ZNG1E: variants seen among roughly 807,000 people sequenced by gnomAD.
ZNG1E encodes zinc-regulated GTPase metalloprotein activator 1E.
chr9:65,702,646 T>A, the ZNG1E span, among the ~76,000 whole-genome samples: 2 of 136,280 alleles, frequency 1.5e-5, no homozygotes, highest in Non-Finnish European at 3.1e-5. Context: ...ATCACTAGGA[T>A]AACTGACTAT....
At chr9:65,667,513 G>C in the ZNG1E span, among the ~76,000 whole-genome samples, 1 of 152,272 alleles carries the variant, frequency 6.6e-6, no homozygotes, top group South Asian at 2.1e-4. Flanking sequence ...AGGAGAATAA[G>C]AATAAAGTTT....
the ZNG1E span, chr9:65,707,889 T>C: frequency 7.1e-6 from 1 of 141,734 alleles, no homozygotes; most frequent in Admixed American, 7.0e-5. Flanking sequence ...TGAGGCGGAG[T>C]CTCACTCTGT....
chr9:65,675,315 AT>A, the ZNG1E span, among the ~76,000 whole-genome samples: 1 of 152,116 alleles, frequency 6.6e-6, no homozygotes, highest in Non-Finnish European at 1.5e-5. Flanking sequence ...AGCAAATATG[AT>A]TAATGAACTT....
At chr9:65,661,061 C>G in the ZNG1E span, among the ~76,000 whole-genome samples, 4 of 147,940 alleles carry the variant, frequency 2.7e-5, no homozygotes, top group African/African-American at 1.0e-4. Flanking sequence ...ACTGCTAGAT[C>G]TAAGGATTTT....
the ZNG1E span, among the ~76,000 whole-genome samples, chr9:65,660,828 G>GATATATATATATATATATATATATATAT: frequency 7.7e-6 from 1 of 130,330 alleles, no homozygotes; most frequent in Non-Finnish European, 1.6e-5. Context: ...TGGTTATACA[G>GATATATATATATATATATATATATATAT]ATATATATAT....
At chr9:65,687,407 T>C in the ZNG1E span, among the ~76,000 whole-genome samples, 2 of 148,992 alleles carry the variant, frequency 1.3e-5, no homozygotes, top group South Asian at 2.1e-4. Flanking sequence ...TGGGTTCTTA[T>C]ACACTTCATT....
the ZNG1E span, among the ~76,000 whole-genome samples, chr9:65,660,490 C>A: frequency 1.3e-5 from 2 of 152,222 alleles, no homozygotes; most frequent in Non-Finnish European, 2.9e-5. Flanking sequence ...ATAATCTAAC[C>A]AAAATTAAAC....
At chr9:65,728,765 C>A in the ZNG1E span, among the ~76,000 whole-genome samples, 1 of 149,410 alleles carries the variant, frequency 6.7e-6, no homozygotes, top group East Asian at 2.0e-4. Context: ...GACGGATTCA[C>A]AACAGAATTC....
At chr9:65,672,602 G>A in the ZNG1E span, among the ~76,000 whole-genome samples, 11 of 151,792 alleles carry the variant, frequency 7.2e-5, no homozygotes, top group Admixed American at 2.0e-4. Flanking sequence ...AAATTAGCTG[G>A]GCGTGGTGGT....
the ZNG1E span, among the ~76,000 whole-genome samples, chr9:65,715,403 C>T: frequency 1.3e-5 from 2 of 150,802 alleles, no homozygotes; most frequent in South Asian, 2.1e-4. Context: ...TGTTCCTATT[C>T]GGCCATCTTG....
chr9:65,664,559 C>T, the ZNG1E span, among the ~76,000 whole-genome samples: 1 of 110,088 alleles, frequency 9.1e-6, no homozygotes, highest in East Asian at 2.3e-4. Flanking sequence ...TTGCAAATTG[C>T]CCAGTCTCAG....
chr9:65,715,378 G>T, the ZNG1E span, among the ~76,000 whole-genome samples: 1 of 150,902 alleles, frequency 6.6e-6, no homozygotes, highest in African/African-American at 2.5e-5. Context: ...CACGCTGGGA[G>T]CTGTAGACCG....
At chr9:65,673,501 C>G in the ZNG1E span, among the ~76,000 whole-genome samples, 4 of 151,710 alleles carry the variant, frequency 2.6e-5, no homozygotes, top group Non-Finnish European at 4.4e-5. Flanking sequence ...TTATTTTGCT[C>G]TCATTGAGGC....
chr9:65,661,978 C>T, the ZNG1E span, among the ~76,000 whole-genome samples: 1 of 152,268 alleles, frequency 6.6e-6, no homozygotes, highest in Non-Finnish European at 1.5e-5. Flanking sequence ...AAACACAAGA[C>T]ATTTACATAG....
At chr9:65,678,500 T>C in the ZNG1E span, among the ~76,000 whole-genome samples, 2 of 142,362 alleles carry the variant, frequency 1.4e-5, no homozygotes, top group Admixed American at 1.4e-4. Context: ...TTAGCAGCAC[T>C]GTAATAGTAA....
chr9:65,664,550 T>C, the ZNG1E span, among the ~76,000 whole-genome samples: 1 of 100,916 alleles, frequency 9.9e-6, no homozygotes, highest in East Asian at 2.4e-4. Context: ...CTCTTTCTTT[T>C]GCAAATTGCC....
the ZNG1E span, among the ~76,000 whole-genome samples, chr9:65,664,064 A>G: frequency 1.3e-5 from 2 of 152,234 alleles, no homozygotes; most frequent in African/African-American, 4.8e-5. Flanking sequence ...ATGGAATCAT[A>G]CTGCATACTT....
chr9:65,665,471 A>C, the ZNG1E span, among the ~76,000 whole-genome samples: 1 of 152,248 alleles, frequency 6.6e-6, no homozygotes, highest in African/African-American at 2.4e-5. Flanking sequence ...CTCCGCCTAG[A>C]TATCAGAAGA....
At chr9:65,680,363 A>T in the ZNG1E span, among the ~76,000 whole-genome samples, 1 of 152,252 alleles carries the variant, frequency 6.6e-6, no homozygotes, top group Non-Finnish European at 1.5e-5. Context: ...TGAGATTTCT[A>T]ATAACAGACT....
Sources: allele counts gnomAD v4.1 joint callset (sites outside exome capture counted in the v4.1 genomes callset), GRCh38; gene constraint gnomAD v4.1.1; transcripts MANE v1.5; gene names NCBI Gene and HGNC (gene_info 2026-07-23, HGNC 2026-07-21).